The following COL24A1 variants were observed in gnomAD, a reference collection of about 807,000 sequenced individuals.
COL24A1 encodes the protein collagen type XXIV alpha 1 chain.
A neutral mutation model predicts 253.9 loss-of-function variants in COL24A1; 224 were observed. That is an observed-to-expected ratio of 0.88 (90% CI 0.79 to 0.99). The LOEUF is 0.99. Among genes scored for constraint, COL24A1 ranks in the 50% least tolerant of loss-of-function variants. COL24A1 has a pLI of 0.00. For synonymous variants in COL24A1, 685 were observed against 673.7 expected, an observed-to-expected ratio of 1.02 and a Z score of -0.26; for missense variants, 2,131 against 2,068.5, an observed-to-expected ratio of 1.03 and a Z score of -0.59.
chr1:86,130,767 T>G (rs1207706276), intron 2 of COL24A1, among the ~76,000 whole-genome samples: 1 of 152,052 alleles, frequency 6.6e-6, no homozygotes, highest in African/African-American at 2.4e-5. Flanking sequence ...CTACTCTTCC[T>G]ATTCTTCCTC....
At chr1:85,735,247 C>G (rs1302393072) in intron 58 of COL24A1, among the ~76,000 whole-genome samples, 1 of 152,104 alleles carries the variant, frequency 6.6e-6, no homozygotes, top group Non-Finnish European at 1.5e-5. Flanking sequence ...TCACTGAACA[C>G]GGCAATGGGA....
chr1:86,146,009 T>A, intron 2 of COL24A1, 110 bp downstream of exon 2: 1 of 880,882 alleles, frequency 1.1e-6, no homozygotes, highest in Non-Finnish European at 1.7e-6. Flanking sequence ...GAATTTTTGT[T>A]ATTGTTTAAT....
intron 24 of COL24A1, among the ~76,000 whole-genome samples, chr1:85,924,981 A>T (rs1687015787): frequency 6.6e-6 from 1 of 152,244 alleles, no homozygotes; most frequent in Non-Finnish European, 1.5e-5. Flanking sequence ...AAGTCTTAGG[A>T]TACAAAATCA....
At chr1:86,021,336 G>C (rs1009900962) in intron 18 of COL24A1, among the ~76,000 whole-genome samples, 11 of 151,868 alleles carry the variant, frequency 7.2e-5, no homozygotes, top group African/African-American at 2.4e-4. Flanking sequence ...TCACAGAGTT[G>C]TAATCAATAT....
intron 24 of COL24A1, among the ~76,000 whole-genome samples, chr1:85,952,681 A>T (rs186461835): frequency 1.3e-5 from 2 of 152,186 alleles, no homozygotes; most frequent in African/African-American, 4.8e-5. Flanking sequence ...AAATAAAGTT[A>T]CTGGGAACAG....
chr1:85,748,558 G>A, intron 55 of COL24A1, among the ~76,000 whole-genome samples: 1 of 151,908 alleles, frequency 6.6e-6, no homozygotes, highest in Non-Finnish European at 1.5e-5. Flanking sequence ...AACAGCTCCG[G>A]TCTACAGCTC....
chr1:85,927,265 C>T (rs28721421), intron 24 of COL24A1, among the ~76,000 whole-genome samples: 1 of 152,214 alleles, frequency 6.6e-6, no homozygotes, highest in Non-Finnish European at 1.5e-5. Context: ...ATTGCCTCAC[C>T]TGGGAAGCGC....
intron 37 of COL24A1, among the ~76,000 whole-genome samples, chr1:85,859,672 T>C (rs563984165): frequency 2.0e-5 from 3 of 152,290 alleles, no homozygotes; most frequent in African/African-American, 7.2e-5. Flanking sequence ...TCCTGAAATG[T>C]GTAAGTAATA....
At chr1:86,055,279 C>T (rs912035094) in intron 10 of COL24A1, among the ~76,000 whole-genome samples, 5 of 152,172 alleles carry the variant, frequency 3.3e-5, no homozygotes, top group Admixed American at 2.6e-4. Flanking sequence ...TGCACATATA[C>T]CCCTAAATTT....
Position 86,047,218 on chromosome 1 carries a change from C to T in COL24A1, c.1906-349G>A, listed in dbSNP as rs577145626. On this transcript the variant is annotated intron_variant, in intron 11 of 59. Transcript: ENST00000370571. ...CTTATTTTCCACATCTAAGGGACAA[C>T]GCCCTCCTCTCTGCCTTCCCCTCTC... Among the ~76,000 whole-genome samples, 9 of 152,280 alleles carry T rather than the reference C, an allele frequency of 5.9e-5. 1 individual carries two copies. In the East Asian group the frequency reaches 9.6e-4, roughly 16 times the overall value.
chr1:86,124,777 A>G, intron 3 of COL24A1, 68 bp downstream of exon 3: 1 of 1,241,584 alleles, frequency 8.1e-7, no homozygotes, highest in Non-Finnish European at 1.1e-6. Context: ...TCTCTTTAAA[A>G]TGTATTTTAA....
chr1:86,105,831 T>C (rs1704931348), intron 5 of COL24A1, among the ~76,000 whole-genome samples: 1 of 152,182 alleles, frequency 6.6e-6, no homozygotes, highest in Admixed American at 6.5e-5. Context: ...TCCTTGCCAG[T>C]TCAACTCACC....
intron 24 of COL24A1, among the ~76,000 whole-genome samples, chr1:85,956,510 C>A (rs1057073432): frequency 6.6e-6 from 1 of 152,134 alleles, no homozygotes; most frequent in African/African-American, 2.4e-5. Flanking sequence ...CTCATGAAAT[C>A]TTACTTTGTT....
intron 6 of COL24A1, among the ~76,000 whole-genome samples, chr1:86,091,426 G>A (rs1482561190): frequency 6.6e-6 from 1 of 151,702 alleles, no homozygotes; most frequent in African/African-American, 2.4e-5. Context: ...GTTTCTGTAA[G>A]CCAATAAGAT....
At chr1:86,150,183 T>A (rs1652557944) in intron 1 of COL24A1, among the ~76,000 whole-genome samples, 1 of 152,164 alleles carries the variant, frequency 6.6e-6, no homozygotes, top group African/African-American at 2.4e-5. Flanking sequence ...CAATACTTGC[T>A]CCATGAAGTT....
chr1:86,122,272 C>T (rs1428010313), intron 3 of COL24A1, among the ~76,000 whole-genome samples: 1 of 151,468 alleles, frequency 6.6e-6, no homozygotes, highest in East Asian at 1.9e-4. Flanking sequence ...TTTGATATTG[C>T]TTCTTTCATA....
intron 19 of COL24A1, among the ~76,000 whole-genome samples, chr1:85,998,572 T>TA (rs1327376822): frequency 1.3e-5 from 2 of 152,216 alleles, no homozygotes; most frequent in African/African-American, 4.8e-5. Flanking sequence ...CACTGGGAGA[T>TA]AATTCTTCAT....
intron 20 of COL24A1, among the ~76,000 whole-genome samples, chr1:85,986,564 T>A (rs1395579322): frequency 6.6e-6 from 1 of 151,824 alleles, no homozygotes; most frequent in Admixed American, 6.6e-5. Flanking sequence ...TGTGTTAGAA[T>A]TCTGGCTATA....
At chr1:85,787,527 G>A (rs1297821869) in intron 47 of COL24A1, among the ~76,000 whole-genome samples, 7 of 152,088 alleles carry the variant, frequency 4.6e-5, no homozygotes. Flanking sequence ...CTATATCCCT[G>A]CAAAGGACAT....
Sources: allele counts gnomAD v4.1 joint callset (sites outside exome capture counted in the v4.1 genomes callset), GRCh38; gene constraint gnomAD v4.1.1; transcripts MANE v1.5; gene names NCBI Gene and HGNC (gene_info 2026-07-23, HGNC 2026-07-21).